Variants in FOXP2 observed in about 807,000 individuals in gnomAD.
The protein encoded by FOXP2 is forkhead box P2, also known as forkhead box protein P2.
Under a neutral mutation model 115.8 loss-of-function variants are expected in FOXP2, and 12 were observed. The observed-to-expected ratio is 0.10, with a 90% CI of 0.07 to 0.17. FOXP2 has a LOEUF of 0.17. Ranked by LOEUF, FOXP2 falls within the 10% of genes least tolerant of loss-of-function variation. The probability of loss-of-function intolerance (pLI) is 1.00; values close to 1 mark genes in which losing one functional copy is unlikely to be tolerated. For missense variants in FOXP2, 629 were observed against 843.5 expected (o/e 0.75, Z 3.15); for synonymous variants, 328 against 297.7 (o/e 1.10, Z -1.05).
chr7:114,203,985 T>A (rs1457156681), intron 1 of FOXP2, among the ~76,000 whole-genome samples: 1 of 152,148 alleles, frequency 6.6e-6, no homozygotes, highest in East Asian at 1.9e-4. Flanking sequence ...TACATGTTTT[T>A]AAAAAAATCC....
chr7:114,256,164 A>C (rs1025325133), intron 1 of FOXP2, among the ~76,000 whole-genome samples: 1 of 152,054 alleles, frequency 6.6e-6, no homozygotes, highest in Non-Finnish European at 1.5e-5. Flanking sequence ...GTGCAGTGGC[A>C]CAATCTTGGC....
intron 1 of FOXP2, among the ~76,000 whole-genome samples, chr7:114,216,135 C>G (rs909572469): frequency 6.6e-6 from 1 of 152,138 alleles, no homozygotes; most frequent in Non-Finnish European, 1.5e-5. Context: ...TTAAACTTCC[C>G]AGTCAGACGA....
At chr7:114,677,098 G>A (rs1448502073) in intron 16 of FOXP2, among the ~76,000 whole-genome samples, 1 of 151,250 alleles carries the variant, frequency 6.6e-6, no homozygotes, top group Non-Finnish European at 1.5e-5. Flanking sequence ...CCCTGGAGGC[G>A]GAGGTTGCAG....
intron 3 of FOXP2, among the ~76,000 whole-genome samples, chr7:114,567,554 C>T (rs778488087): frequency 2.6e-5 from 4 of 152,058 alleles, no homozygotes; most frequent in African/African-American, 7.2e-5. Flanking sequence ...AAGTCCATTC[C>T]AGTACATTGT....
chr7:114,378,703 G>GAAAAAAAAAAAAAAAAAAAAAAA (rs1792203473), intron 2 of FOXP2, among the ~76,000 whole-genome samples: 2 of 36,248 alleles, frequency 5.5e-5, no homozygotes, highest in Admixed American at 2.9e-4. Flanking sequence ...AAAAAAAAAG[G>GAAAAAAAAAAAAAAAAAAAAAAA]AAAAGAAAAA....
rs1796866764 is a variant in FOXP2, at chr7:114,300,970, G to A, written c.-11+12861G>A. ...TACAAATCCCCTTTTGCACAACCATGTTTTAATTCTCCCTTTACTAATATG... is the reference window on the plus strand; with the variant it reads ...TACAAATCCCCTTTTGCACAACCATATTTTAATTCTCCCTTTACTAATATG... On this transcript the variant is annotated intron_variant, in intron 2 of 17. Coordinates refer to the FOXP2 transcript ENST00000634411. Among the ~76,000 whole-genome samples, 3 of 151,916 alleles carry A rather than the reference G, an allele frequency of 2.0e-5. No individual in the cohort carries two copies. The South Asian group carries it at 6.2e-4, about 31-fold the overall frequency.
At chr7:114,151,486 T>G (rs539586403) in intron 1 of FOXP2, among the ~76,000 whole-genome samples, 1 of 152,180 alleles carries the variant, frequency 6.6e-6, no homozygotes, top group Admixed American at 6.6e-5. Context: ...TTCTGTTTTT[T>G]CAAAAAGGAG....
At chr7:114,220,946 T>C (rs1241302638) in intron 1 of FOXP2, among the ~76,000 whole-genome samples, 1 of 152,192 alleles carries the variant, frequency 6.6e-6, no homozygotes, top group Non-Finnish European at 1.5e-5. Context: ...TTTGATTATC[T>C]TTGTTCTTAT....
At chr7:114,219,887 C>G (rs1035362040) in intron 1 of FOXP2, among the ~76,000 whole-genome samples, 1 of 150,984 alleles carries the variant, frequency 6.6e-6, no homozygotes, top group Non-Finnish European at 1.5e-5. Flanking sequence ...AATGGAGTTT[C>G]GCTGTTGTTG....
intron 1 of FOXP2, among the ~76,000 whole-genome samples, chr7:114,223,329 G>A (rs1450832): frequency 0.3 from 45,954 of 151,376 alleles, 8,155 homozygotes; most frequent in African/African-American, 0.47. Context: ...ATGGTCTTAA[G>A]TTGCATTTCC....
chr7:114,507,592 G>A (rs903288177), intron 2 of FOXP2, among the ~76,000 whole-genome samples: 2 of 152,012 alleles, frequency 1.3e-5, no homozygotes, highest in African/African-American at 2.4e-5. Flanking sequence ...TGCTGGCATT[G>A]ACTCAATGAC....
At chr7:114,120,949 G>A (rs941821575) in intron 1 of FOXP2, among the ~76,000 whole-genome samples, 6 of 151,946 alleles carry the variant, frequency 3.9e-5, no homozygotes, top group Admixed American at 3.3e-4. Flanking sequence ...TGACAGGGAG[G>A]GGGAAGAATA....
At chr7:114,656,074 A>G (rs1472548136) in intron 10 of FOXP2, among the ~76,000 whole-genome samples, 2 of 152,190 alleles carry the variant, frequency 1.3e-5, no homozygotes, top group African/African-American at 4.8e-5. Flanking sequence ...TATGCTTATT[A>G]TTACAGGATA....
At chr7:114,687,990 A>T (rs966800411) in intron 16 of FOXP2, among the ~76,000 whole-genome samples, 3 of 152,066 alleles carry the variant, frequency 2.0e-5, no homozygotes, top group African/African-American at 7.2e-5. Context: ...ACACACACAT[A>T]TATACATACA....
At chr7:114,168,346 CG>C (rs1352320155) in intron 1 of FOXP2, among the ~76,000 whole-genome samples, 1 of 152,046 alleles carries the variant, frequency 6.6e-6, no homozygotes, top group Non-Finnish European at 1.5e-5. Context: ...GCAATATGGA[CG>C]ATAAAGTCTA....
chr7:114,392,796 C>T (rs953215309), intron 2 of FOXP2, among the ~76,000 whole-genome samples: 1 of 152,160 alleles, frequency 6.6e-6, no homozygotes, highest in Non-Finnish European at 1.5e-5. Flanking sequence ...TCAGAACCAA[C>T]TTAGTAAGTG....
chr7:114,106,907 A>G (rs1006390389), intron 1 of FOXP2, among the ~76,000 whole-genome samples: 3 of 152,004 alleles, frequency 2.0e-5, no homozygotes, highest in Admixed American at 1.3e-4. Flanking sequence ...TTTTAAGTTA[A>G]TAAACTCATA....
At position 114,691,070 on chromosome 7, in the gene FOXP2, C is replaced by G. The variant is rs941783182; in HGVS notation, c.*1144C>G. ...GAAGTTATGATATGCTAGAAAGCAA[C>G]AAATGTGGATCACTGACCAAAACGA... On this transcript the variant is annotated 3_prime_UTR_variant, in exon 17 of 17. Transcript: ENST00000350908. The G allele has an allele frequency of 4.4e-6, 2 of 454,078 alleles. No individual in the cohort carries two copies. The highest frequency in any genetic ancestry group is 4.0e-5 in the African/African-American group (2 of 50,124). 28.1% of individuals were successfully genotyped at this position (454,078 alleles called of 1,614,324 possible).
At chr7:114,624,995 A>C (rs1490448636) in intron 3 of FOXP2, among the ~76,000 whole-genome samples, 1 of 151,550 alleles carries the variant, frequency 6.6e-6, no homozygotes, top group Non-Finnish European at 1.5e-5. Context: ...TTTAGAATGC[A>C]TAAACCTATC....
Sources: gnomAD v4.1 joint callset for allele counts (sites outside exome capture counted in the v4.1 genomes callset) on GRCh38, gnomAD v4.1.1 for gene constraint, MANE v1.5 for transcripts, NCBI Gene and HGNC (gene_info 2026-07-23, HGNC 2026-07-21) for gene names.